Variants in STK38 observed in about 807,000 individuals in gnomAD.
The protein encoded by STK38 is serine/threonine-protein kinase 38.
Under a neutral mutation model 59.0 loss-of-function variants are expected in STK38, and 26 were observed. The observed-to-expected ratio is 0.44, with a 90% confidence interval of 0.32 to 0.61. The LOEUF (loss-of-function observed/expected upper bound fraction) is 0.61. Ranked by LOEUF, STK38 falls within the 20% of genes least tolerant of loss-of-function variation. The pLI is 0.04. For synonymous variants in STK38, 175 were observed against 176.6 expected (o/e 0.99, Z 0.07); for missense variants, 433 against 566.0 (o/e 0.76, Z 2.38).
Position 36,515,450 on chromosome 6 carries a change from T to C in STK38, c.557A>G (p.Glu186Gly). The C allele has an allele frequency of 6.2e-7, 1 of 1,614,050 alleles. No individual in the cohort carries two copies. Among genetic ancestry groups the C allele is most frequent in the Non-Finnish European group, 8.5e-7 (1 of 1,180,014 alleles). Residue 186 changes from glutamate (E) to glycine (G), a missense_variant, in exon 7 of 14, where the codon GAA becomes GGA. Physicochemically the swap from Glu to Gly is moderately conservative, Grantham distance 98 (BLOSUM62 -2). Transcript: ENST00000229812. ...TGCTATATAAAACTGAGTCTCCTCT[T>C]CTGTCAGAGTGTCTTTTTTCATCAA... ...TLLMKKDTLT[E>G]EETQFYIAET...
At chr6:36,523,808 G>A (rs1179888413) in intron 4 of STK38, among the ~76,000 whole-genome samples, 2 of 151,992 alleles carry the variant, frequency 1.3e-5, no homozygotes, top group Admixed American at 6.6e-5. Flanking sequence ...TCCCTCCTAG[G>A]GTCATCTTTT....
chr6:36,530,663 G>A (rs375939875), intron 2 of STK38, among the ~76,000 whole-genome samples: 26 of 148,624 alleles, frequency 1.7e-4, no homozygotes, highest in African/African-American at 5.2e-4. Flanking sequence ...CACCACACCC[G>A]GCCTTTTTCC....
chr6:36,505,321 G>C (rs1776939182), intron 9 of STK38, among the ~76,000 whole-genome samples: 1 of 152,192 alleles, frequency 6.6e-6, no homozygotes, highest in South Asian at 2.1e-4. Context: ...ACCACATACA[G>C]AATTCAGAAG....
At chr6:36,510,396 A>C (rs1471083043) in intron 7 of STK38, among the ~76,000 whole-genome samples, 6 of 152,250 alleles carry the variant, frequency 3.9e-5, no homozygotes, top group African/African-American at 1.4e-4. Context: ...AGTGGACACC[A>C]GGAGCACAGA....
At position 36,527,819 on chromosome 6, in the gene STK38, G is replaced by C. The variant is rs1006452682; in HGVS notation, c.132-2177C>G. Reference sequence around the variant, plus strand: ...AGAAGGATAAGACTACAGTATGCTGGCCAGGTGCGGTGGCTCACGCCTGTA... The same window carrying C: ...AGAAGGATAAGACTACAGTATGCTGCCCAGGTGCGGTGGCTCACGCCTGTA... On this transcript the variant is annotated intron_variant, in intron 2 of 13. Coordinates refer to ENST00000229812, the MANE Select transcript of STK38 (RefSeq NM_007271.4). Among the ~76,000 whole-genome samples, 8 of 151,966 alleles carry C rather than the reference G, an allele frequency of 5.3e-5. No individual in the cohort carries two copies. In the South Asian group the frequency reaches 1.7e-3, roughly 32 times the overall value.
intron 2 of STK38, among the ~76,000 whole-genome samples, chr6:36,533,157 T>C (rs1385112788): frequency 6.6e-6 from 1 of 152,154 alleles, no homozygotes; most frequent in African/African-American, 2.4e-5. Flanking sequence ...CATTGTTGTT[T>C]TTCTTAAAGA....
rs149028232 is a variant in STK38 at position 36,510,039 on chromosome 6, C to A, written c.670-2437G>T. 4.3e-3 allele frequency among the ~76,000 whole-genome samples: 662 copies of A among 152,316 alleles called. 1 individual carries two copies. The highest frequency in any genetic ancestry group is 0.014 in the Middle Eastern group (4 of 294). Reference sequence around the variant, plus strand: ...AAGTTCTTACTCTGGGCCACAGACTCCAGCCCGAACTGACAGCTTGGCCCT... The same window carrying A: ...AAGTTCTTACTCTGGGCCACAGACTACAGCCCGAACTGACAGCTTGGCCCT... On this transcript the variant is annotated intron_variant, in intron 7 of 13. Coordinates refer to ENST00000229812, the MANE Select transcript of STK38 (RefSeq NM_007271.4).
chr6:36,500,963 T>C (rs2127467456), intron 9 of STK38, among the ~76,000 whole-genome samples: 1 of 152,094 alleles, frequency 6.6e-6, no homozygotes, highest in African/African-American at 2.4e-5. Context: ...GAGGAATGTT[T>C]TCTTTTTCTA....
Position 36,517,698 on chromosome 6 carries a change from T to G in STK38, c.514+19A>C. The G allele has an allele frequency of 6.2e-7, 1 of 1,609,664 alleles. No individual in the cohort carries two copies. Among genetic ancestry groups the G allele is most frequent in the Non-Finnish European group, 8.5e-7 (1 of 1,177,700 alleles). On this transcript the variant is annotated intron_variant, in intron 6 of 13. Coordinates refer to ENST00000229812, the MANE Select transcript of STK38 (RefSeq NM_007271.4). ...ACAGAACAAAAAGAAAAAATGACCT[T>G]TCATCGTCAAGTAATTACCTCCAGG...
At chr6:36,533,581 T>C (rs764129021) in intron 2 of STK38, among the ~76,000 whole-genome samples, 15 of 152,190 alleles carry the variant, frequency 9.9e-5, no homozygotes, top group Admixed American at 2.0e-4. Flanking sequence ...TGGGGTATAA[T>C]CTTAGTGTTA....
intron 5 of STK38, among the ~76,000 whole-genome samples, chr6:36,520,455 A>G (rs977554846): frequency 6.6e-6 from 1 of 152,224 alleles, no homozygotes; most frequent in Non-Finnish European, 1.5e-5. Context: ...TCTGACAGTT[A>G]ATATTTAATA....
At chr6:36,515,794 T>C (rs1477578376) in intron 6 of STK38, among the ~76,000 whole-genome samples, 2 of 152,228 alleles carry the variant, frequency 1.3e-5, no homozygotes, top group Non-Finnish European at 2.9e-5. Flanking sequence ...CTTAGGATAA[T>C]TTTTTGGACT....
Position 36,540,108 on chromosome 6 carries a change from C to T in STK38, c.95G>A (p.Ser32Asn), listed in dbSNP as rs1321773616. 6.2e-7 allele frequency: 1 copy of T among 1,614,070 alleles called. No homozygotes were observed. Among genetic ancestry groups the T allele is most frequent in the South Asian group, 1.1e-5 (1 of 91,080 alleles). The change falls in exon 2 of 14, where the codon AGC (serine) becomes AAC (asparagine). Residue 32 changes from serine to asparagine, a missense_variant. Transcript: ENST00000229812. The stretch of plus-strand genomic sequence containing the variant: ...TTCTTCATGTTGAGCGATAAGGTTG[C>T]TATAAAAATTCTCCAGTGTCACTTT... The part of the protein sequence containing the change: ...MTKVTLENFY[S>N]NLIAQHEERE...
intron 7 of STK38, among the ~76,000 whole-genome samples, chr6:36,511,285 A>G (rs1230060477): frequency 1.3e-5 from 2 of 152,126 alleles, no homozygotes; most frequent in African/African-American, 2.4e-5. Flanking sequence ...GTGTATGTAC[A>G]TATGTACACA....
chr6:36,540,030 T>A (rs1333639322), intron 2 of STK38, 42 bp downstream of exon 2: 2 of 1,610,184 alleles, frequency 1.2e-6, no homozygotes, highest in African/African-American at 2.7e-5. Flanking sequence ...GAGAAAGGAA[T>A]GCCACAACCA....
At chr6:36,538,025 G>C (rs559550232) in intron 2 of STK38, among the ~76,000 whole-genome samples, 78 of 152,122 alleles carry the variant, frequency 5.1e-4, no homozygotes, top group Non-Finnish European at 9.6e-4. Flanking sequence ...TCACAACCAG[G>C]CACGGTGGCT....
rs980338674 is a variant in STK38, at chr6:36,494,855, G to A, written c.*929C>T. The A allele has an allele frequency of 6.6e-6, 1 of 152,284 alleles. No homozygotes were observed. Among genetic ancestry groups the A allele is most frequent in the Non-Finnish European group, 1.5e-5 (1 of 68,074 alleles). The allele number at this position is 152,284 out of a possible 1,614,324, so 9.4% of individuals were successfully genotyped here. On this transcript the variant is annotated 3_prime_UTR_variant, in exon 14 of 14. Transcript: ENST00000229812. Reference sequence around the variant, plus strand: ...TTGCAGGAACAGGAACAGCACCTTAGCCAAGAGGGTTCCAGGCCTCCTGCC... The same window carrying A: ...TTGCAGGAACAGGAACAGCACCTTAACCAAGAGGGTTCCAGGCCTCCTGCC...
At chr6:36,501,058 T>C (rs1434962937) in intron 9 of STK38, among the ~76,000 whole-genome samples, 1 of 152,068 alleles carries the variant, frequency 6.6e-6, no homozygotes, top group Non-Finnish European at 1.5e-5. Context: ...GCTCAAGAGA[T>C]CCTCCCACCT....
intron 5 of STK38, among the ~76,000 whole-genome samples, chr6:36,519,097 C>A (rs1243880540): frequency 1.3e-5 from 2 of 152,162 alleles, no homozygotes; most frequent in Admixed American, 1.3e-4. Context: ...GGCCCAGAGG[C>A]ATTTGACTTT....
Sources: allele counts gnomAD v4.1 joint callset (sites outside exome capture counted in the v4.1 genomes callset), GRCh38; gene constraint gnomAD v4.1.1; transcripts MANE v1.5; gene names NCBI Gene and HGNC (gene_info 2026-07-23, HGNC 2026-07-21).